RPA3: variants seen among roughly 807,000 people sequenced by gnomAD.
RPA3 encodes the protein replication protein A 14 kDa subunit.
In RPA3, 24 loss-of-function variants were observed where a neutral mutation model predicts 13.7. The ratio of observed to expected loss-of-function variants is 1.75; its 90% CI spans 1.27 to 2.46. The LOEUF (loss-of-function observed/expected upper bound fraction) is 2.46. Ranked by LOEUF, RPA3 falls within the 30% of genes most tolerant of loss-of-function variation. RPA3 has a pLI of 0.00. For missense variants in RPA3, 183 were observed against 151.0 expected, an observed-to-expected ratio of 1.21 and a Z score of -1.11; for synonymous variants, 59 against 51.2, an observed-to-expected ratio of 1.15 and a Z score of -0.65.
At chr7:7,698,436 T>C (rs915583828) in intron 2 of RPA3, among the ~76,000 whole-genome samples, 1 of 152,248 alleles carries the variant, frequency 6.6e-6, no homozygotes, top group African/African-American at 2.4e-5. Context: ...CTTTCAGTGT[T>C]TTTACAGCTT....
intron 2 of RPA3, among the ~76,000 whole-genome samples, chr7:7,703,920 C>T (rs769454450): frequency 1.3e-4 from 20 of 150,736 alleles, no homozygotes; most frequent in African/African-American, 3.4e-4. Flanking sequence ...GAAGCCTGGG[C>T]GACAGATAAC....
chr7:7,681,659 G>C (rs1366447977), intron 4 of RPA3, among the ~76,000 whole-genome samples: 1 of 151,982 alleles, frequency 6.6e-6, no homozygotes, highest in Non-Finnish European at 1.5e-5. Flanking sequence ...ACAAATTGCA[G>C]TTTTCATTTG....
intron 2 of RPA3, chr7:7,689,498 T>A (rs988309785): frequency 6.6e-6 from 1 of 152,162 alleles, no homozygotes; most frequent in African/African-American, 2.4e-5. Flanking sequence ...TTTAAGCCAC[T>A]TTTAGCTAGG....
At chr7:7,688,961 CTTACT>C (rs1780105763) in intron 2 of RPA3, among the ~76,000 whole-genome samples, 1 of 152,128 alleles carries the variant, frequency 6.6e-6, no homozygotes, top group African/African-American at 2.4e-5. Flanking sequence ...TTAAATTATA[CTTACT>C]TTATTTAGTT....
intron 4 of RPA3, among the ~76,000 whole-genome samples, chr7:7,655,015 C>T (rs1785308385): frequency 1.3e-5 from 2 of 152,038 alleles, no homozygotes; most frequent in African/African-American, 4.8e-5. Flanking sequence ...TGGGCCCACT[C>T]TATTCTAGAA....
chr7:7,652,160 G>A (rs1424106769), intron 4 of RPA3, among the ~76,000 whole-genome samples: 1 of 152,186 alleles, frequency 6.6e-6, no homozygotes, highest in Non-Finnish European at 1.5e-5. Flanking sequence ...GATGGACAAA[G>A]TATTTTCCAC....
intron 1 of RPA3, 31 bp downstream of exon 1, chr7:7,718,482 CTA>C (rs1024118971): frequency 6.6e-6 from 1 of 152,140 alleles, no homozygotes; most frequent in African/African-American, 2.4e-5. Context: ...AAGGAAAAAA[CTA>C]TGTATCCAAC....
intron 4 of RPA3, among the ~76,000 whole-genome samples, chr7:7,684,787 G>A (rs1423436602): frequency 6.6e-6 from 1 of 152,142 alleles, no homozygotes; most frequent in Admixed American, 6.5e-5. Context: ...AACATCTGAG[G>A]TACCTTTTAA....
chr7:7,713,064 C>T (rs1012541823), intron 2 of RPA3, among the ~76,000 whole-genome samples: 11 of 152,048 alleles, frequency 7.2e-5, no homozygotes, highest in South Asian at 6.2e-4. Context: ...TAGGGCCGCG[C>T]GCGGTGGCTC....
chr7:7,692,758 C>T (rs1362994327), intron 2 of RPA3, among the ~76,000 whole-genome samples: 5 of 151,992 alleles, frequency 3.3e-5, no homozygotes, highest in Admixed American at 6.6e-5. Context: ...TACAGGCCTG[C>T]GCCACCATGC....
intron 2 of RPA3, among the ~76,000 whole-genome samples, chr7:7,705,541 T>C (rs1357028810): frequency 6.6e-6 from 1 of 152,228 alleles, no homozygotes; most frequent in East Asian, 1.9e-4. Flanking sequence ...ATCATCTGGC[T>C]CTAAGTACTA....
intron 4 of RPA3, among the ~76,000 whole-genome samples, chr7:7,649,797 T>C (rs979274473): frequency 1.3e-5 from 2 of 152,098 alleles, no homozygotes; most frequent in Admixed American, 6.6e-5. Flanking sequence ...TGATGGCATA[T>C]AGTATTAGGA....
intron 4 of RPA3, among the ~76,000 whole-genome samples, chr7:7,648,073 C>A (rs1785137809): frequency 6.6e-6 from 1 of 152,238 alleles, no homozygotes; most frequent in South Asian, 2.1e-4. Context: ...GCTTAGCTGA[C>A]AGCTGGCCTG....
chr7:7,656,716 T>C (rs573647386), intron 4 of RPA3, among the ~76,000 whole-genome samples: 1 of 152,380 alleles, frequency 6.6e-6, no homozygotes, highest in South Asian at 2.1e-4. Flanking sequence ...CAGTCTATCA[T>C]TGATCGGCAT....
chr7:7,659,339 T>TTC (rs1178919446), intron 4 of RPA3, among the ~76,000 whole-genome samples: 1 of 152,212 alleles, frequency 6.6e-6, no homozygotes, highest in Non-Finnish European at 1.5e-5. Context: ...TTTCTTGTCT[T>TTC]CTGCTAGCTT....
At position 7,639,143 on chromosome 7, in the gene RPA3, A is replaced by G. The variant is rs1053721775; in HGVS notation, c.101T>C (p.Ile34Thr). 3.7e-6 allele frequency: 6 copies of G among 1,608,044 alleles called. No homozygotes were observed. In the African/African-American group the frequency reaches 5.4e-5, roughly 14 times the overall value. ...PVCFVGRLEK[I>T]HPTGKMFILS... The stretch of plus-strand genomic sequence containing the variant: ...AATAAACATTTTTCCGGTGGGATGA[A>G]TCTAAAAACGAAACATATAATTAAA... Residue 34 changes from isoleucine to threonine, a missense_variant and splice_region_variant, in exon 6 of 8, where the codon ATT becomes ACT. Transcript: ENST00000223129.
chr7:7,636,940 G>A lies in RPA3; in HGVS notation c.*60C>T. On this transcript the variant is annotated 3_prime_UTR_variant, in exon 8 of 8. Transcript: ENST00000223129. Reference sequence around the variant, plus strand: ...CAGAAATCTCTCCCTCAAACAAGAAGGGCTTCCTTTAATAGACTTTAATAT... The same window carrying A: ...CAGAAATCTCTCCCTCAAACAAGAAAGGCTTCCTTTAATAGACTTTAATAT... 8.3e-7 allele frequency: 1 copy of A among 1,205,620 alleles called. No individual in the cohort carries two copies. The allele number at this position is 1,205,620 out of a possible 1,614,324, so 74.7% of individuals were successfully genotyped here. A position where few individuals can be genotyped will look rare whatever the true frequency, so the allele number is the denominator to read the frequency against.
At position 7,705,410 on chromosome 7, in the gene RPA3, G is replaced by A. The variant is rs551788181; in HGVS notation, c.-1028+9765C>T. ...TTACATGTTCTAAAAATGTAAGCAC[G>A]ATAAAATAACTATGTAGGTTTAAGT... On this transcript the variant is annotated intron_variant, in intron 2 of 7. Coordinates refer to ENST00000223129, the MANE Select transcript of RPA3 (RefSeq NM_002947.5). Among the ~76,000 whole-genome samples, 11 of 152,278 alleles carry A rather than the reference G, an allele frequency of 7.2e-5. 1 individual carries two copies. The highest frequency in any genetic ancestry group is 2.6e-4 in the African/African-American group (11 of 41,574).
intron 4 of RPA3, among the ~76,000 whole-genome samples, chr7:7,645,285 G>T (rs1463683233): frequency 6.6e-6 from 1 of 152,020 alleles, no homozygotes; most frequent in East Asian, 1.9e-4. Flanking sequence ...GTCAAGATGG[G>T]GTTTAGCTGC....
Sources: gnomAD v4.1 joint callset for allele counts (sites outside exome capture counted in the v4.1 genomes callset) on GRCh38, gnomAD v4.1.1 for gene constraint, MANE v1.5 for transcripts, NCBI Gene and HGNC (gene_info 2026-07-23, HGNC 2026-07-21) for gene names.